TEP1: variants seen among roughly 807,000 people sequenced by gnomAD.
TEP1 encodes the protein telomerase associated protein 1, also known as telomerase protein component 1.
A neutral mutation model predicts 306.3 loss-of-function variants in TEP1; 241 were observed. The observed-to-expected ratio is 0.79, with a 90% CI of 0.71 to 0.88. The LOEUF (loss-of-function observed/expected upper bound fraction) is 0.88, where lower values mean the gene tolerates loss of function less well. Among genes scored for constraint, TEP1 ranks in the 40% least tolerant of loss-of-function variants. TEP1 has a pLI of 0.00. For synonymous variants in TEP1, 1,289 were observed against 1,305.5 expected (o/e 0.99, Z 0.27); for missense variants, 3,051 against 3,276.1 (o/e 0.93, Z 1.68).
At chr14:20,392,382 T>G (rs983265490) in intron 12 of TEP1, among the ~76,000 whole-genome samples, 1 of 151,722 alleles carries the variant, frequency 6.6e-6, no homozygotes, top group Admixed American at 6.6e-5. Flanking sequence ...AACATTAGCA[T>G]TACTGAGTAG....
At chr14:20,398,497 A>T (rs1295325496) in intron 9 of TEP1, among the ~76,000 whole-genome samples, 2 of 143,954 alleles carry the variant, frequency 1.4e-5, no homozygotes, top group Non-Finnish European at 3.0e-5. Context: ...ATTATATAGA[A>T]ACCAAAATTA....
At chr14:20,392,757 T>A (rs1223880975) in intron 12 of TEP1, among the ~76,000 whole-genome samples, 1 of 152,242 alleles carries the variant, frequency 6.6e-6, no homozygotes, top group Non-Finnish European at 1.5e-5. Context: ...ACCGAGGAAT[T>A]ATTTTTAGTT....
chr14:20,380,893 A>G (rs1351049732), intron 33 of TEP1, 38 bp downstream of exon 33: 5 of 1,562,100 alleles, frequency 3.2e-6, no homozygotes, highest in Non-Finnish European at 4.4e-6. Context: ...CAGGAGTCCC[A>G]TATCTCAGAG....
At chr14:20,409,836 C>A (rs575493037) in intron 1 of TEP1, among the ~76,000 whole-genome samples, 1 of 151,718 alleles carries the variant, frequency 6.6e-6, no homozygotes, top group Non-Finnish European at 1.5e-5. Context: ...CTGGCTAACA[C>A]AGTGAAACCC....
intron 20 of TEP1, among the ~76,000 whole-genome samples, 193 bp from the exon 21 acceptor site, chr14:20,385,302 T>C (rs1230529776): frequency 6.6e-6 from 1 of 152,238 alleles, no homozygotes; most frequent in Non-Finnish European, 1.5e-5. Context: ...AAGGCACTAA[T>C]AGCTAACATT....
At position 20,377,601 on chromosome 14, in the gene TEP1, T is replaced by C; in HGVS notation, c.5874A>G (p.Ser1958=). 1 of 1,614,050 alleles carries C rather than the reference T, an allele frequency of 6.2e-7. No individual in the cohort carries two copies. ...ADGIRIYKIS[S]GSQGAQGQAL... is the part of the protein sequence containing the mutation. ...ACCCACCCATTCCCATTTCAGTACC[T>C]GAAGAGATTTTGTAGATCCTAATGC... Residue 1958 remains serine, a splice_region_variant and synonymous_variant, in exon 40 of 55, where the codon TCA becomes TCG. Transcript: ENST00000262715.
chr14:20,383,545 C>T lies in TEP1; in HGVS notation c.3810G>A (p.Arg1270=), dbSNP rs1876788730. The change falls in exon 26 of 55, where the codon AGG becomes AGA. Residue 1270 remains arginine, a synonymous_variant. Transcript: ENST00000262715. ...TQVLIIDGAD[R]LVDQNGQLIS... is the part of the protein sequence containing the mutation. ...TCAGCTGCCCATTCTGGTCCACTAA[C>T]CTATCAGCCCCATCGATGATCAGGA... is the stretch of plus-strand genomic sequence containing the variant. 1.2e-6 allele frequency: 2 copies of T among 1,614,254 alleles called. No homozygotes were observed. The highest frequency in any genetic ancestry group is 8.5e-7 in the Non-Finnish European group (1 of 1,180,052).
At chr14:20,372,651 G>C in intron 49 of TEP1, 82 bp downstream of exon 49, 1 of 1,591,360 alleles carries the variant, frequency 6.3e-7, no homozygotes, top group Non-Finnish European at 8.6e-7. Context: ...TAGTTCAGAA[G>C]CAGAAGTGCA....
Position 20,380,958 on chromosome 14 carries a change from G to A in TEP1, c.4735C>T (p.Arg1579Trp), listed in dbSNP as rs143109919. The change falls in exon 33 of 55, where the codon CGG (arginine) becomes TGG (tryptophan). Residue 1579 changes from arginine (R) to tryptophan (W), a missense_variant. Physicochemically the swap from Arg to Trp is moderately radical, Grantham distance 101. Around this residue, in one of 3 missense-constraint regions of TEP1, gnomAD observed 1,540 missense variants for 1,705.9 expected, o/e 0.90. Transcript: ENST00000262715. Reference protein sequence around the residue: ...AAHLELGLVSRLLEAHALYAS... With the variant: ...AAHLELGLVSWLLEAHALYAS... ...TAGAGGGCATGGGCCTCCAAGAGCCGAGAGACCAGACCCAATTCCAAGTGT... is the reference window on the plus strand; with the variant it reads ...TAGAGGGCATGGGCCTCCAAGAGCCAAGAGACCAGACCCAATTCCAAGTGT... 1,783 of 1,614,154 alleles carry A rather than the reference G, an allele frequency of 1.1e-3. 14 individuals are homozygous for A. The African/African-American group carries it at 0.02, about 18-fold the overall frequency.
rs1879309012 is a variant in TEP1, at chr14:20,407,886, T to C, written c.554A>G (p.Gln185Arg). ...LKSISATETA[Q>R]EATLGRWFDS... ...TGGAGCTATTACCAAAGTTGCTTCC[T>C]GAGCTGTCTCTGTGGCAGAGATGGA... The change falls in exon 2 of 55, where the codon CAG becomes CGG. Residue 185 changes from glutamine to arginine, a missense_variant. Gln to Arg is a conservative substitution (Grantham distance 43, BLOSUM62 1). Transcript: ENST00000262715. 4 of 1,595,622 alleles carry C rather than the reference T, an allele frequency of 2.5e-6. No homozygotes were observed. The highest frequency in any genetic ancestry group is 2.6e-6 in the Non-Finnish European group (3 of 1,169,652).
Position 20,384,469 on chromosome 14 carries a change from G to A in TEP1, c.3261C>T (p.Pro1087=), listed in dbSNP as rs780072603. The A allele has an allele frequency of 1.9e-6, 3 of 1,614,048 alleles. No homozygotes were observed. The Admixed American group carries it at 5.0e-5, about 27-fold the overall frequency. The change falls in exon 23 of 55, where the codon CCC becomes CCT. Residue 1087 remains proline (P), a synonymous_variant. Transcript: ENST00000262715. ...CAAACTCCTCCAGCCCGCCAACATA[G>A]GGCCGGCCAGCTGCCACACCCCCCC... is the stretch of plus-strand genomic sequence containing the variant. The part of the protein sequence containing the change: ...CEWGGVAAGR[P]YVGGLEEFGQ...
chr14:20,412,998 C>T (rs1780589465), intron 1 of TEP1, among the ~76,000 whole-genome samples: 1 of 103,176 alleles, frequency 9.7e-6, no homozygotes, highest in South Asian at 2.7e-4. Flanking sequence ...TAGTCTAGCA[C>T]ATTTAAGCAC....
intron 7 of TEP1, among the ~76,000 whole-genome samples, chr14:20,402,634 G>A (rs1878843961): frequency 1.3e-5 from 2 of 152,124 alleles, no homozygotes; most frequent in Admixed American, 1.3e-4. Context: ...AGGCAAGAGA[G>A]GTTAAATCAT....
chr14:20,393,080 G>C lies in TEP1; in HGVS notation c.1929-1313C>G, dbSNP rs144651230. ...AAATACAAAAAAATTAGCCGGGCGT[G>C]GTGGTGGGTGCCTGCAGTCCCAGCT... On this transcript the variant is annotated intron_variant, in intron 12 of 54. Coordinates refer to ENST00000262715, the MANE Select transcript of TEP1 (RefSeq NM_007110.5). Among the ~76,000 whole-genome samples, 868 of 152,192 alleles carry C rather than the reference G, an allele frequency of 5.7e-3. 15 individuals carry two copies. Among genetic ancestry groups the C allele is most frequent in the African/African-American group, 0.02 (831 of 41,534 alleles).
chr14:20,369,629 C>T, intron 52 of TEP1, 45 bp downstream of exon 52: 1 of 1,613,070 alleles, frequency 6.2e-7, no homozygotes, highest in Non-Finnish European at 8.5e-7. Flanking sequence ...TGCCATCCAC[C>T]CTGGGCCATC....
intron 12 of TEP1, among the ~76,000 whole-genome samples, chr14:20,392,209 T>C (rs1445957795): frequency 3.3e-5 from 5 of 152,172 alleles, no homozygotes; most frequent in African/African-American, 9.7e-5. Flanking sequence ...ATATAGTTGA[T>C]AAGGGAGGCT....
At chr14:20,402,646 T>C (rs1046600486) in intron 7 of TEP1, among the ~76,000 whole-genome samples, 3 of 152,210 alleles carry the variant, frequency 2.0e-5, no homozygotes, top group Non-Finnish European at 2.9e-5. Context: ...TTAAATCATT[T>C]GACCAATGTC....
rs574302906 is a variant in TEP1 at position 20,384,647 on chromosome 14, T to C, written c.3174A>G (p.Ser1058=). The C allele has an allele frequency of 6.2e-7, 1 of 1,614,046 alleles. No individual in the cohort carries two copies. Among genetic ancestry groups the C allele is most frequent in the African/African-American group, 1.3e-5 (1 of 75,040 alleles). Residue 1058 remains serine (S), a synonymous_variant, in exon 22 of 55, where the codon TCA becomes TCG. Transcript: ENST00000262715. ...GTCTGCTTAGGTAGCTCTTCAGTTC[T>C]GAGATCCGACGTGCGGCCTCTTCAG... The part of the protein sequence containing the change: ...SESEEAARRI[S]ELKSYLSRQK...
At chr14:20,368,764 GCACA>G (rs112024184) in intron 54 of TEP1, 30 bp downstream of exon 54, 74,779 of 1,321,156 alleles carry the variant, frequency 0.057, 737 homozygotes, top group South Asian at 0.097. Context: ...GCAGGCGCAC[GCACA>G]CACACACACA....
Sources: allele counts gnomAD v4.1 joint callset (sites outside exome capture counted in the v4.1 genomes callset), GRCh38; gene constraint gnomAD v4.1.1; regional missense constraint gnomAD v4.1.1; transcripts MANE v1.5; gene names NCBI Gene and HGNC (gene_info 2026-07-23, HGNC 2026-07-21).